Variants in SLC44A5 observed in about 807,000 individuals in gnomAD.
SLC44A5 encodes solute carrier family 44 member 5, also known as choline transporter-like protein 5.
Under a neutral mutation model 101.8 loss-of-function variants are expected in SLC44A5, and 57 were observed. That is an observed-to-expected ratio of 0.56 (90% CI 0.45 to 0.70). The LOEUF (loss-of-function observed/expected upper bound fraction) is 0.70. Ranked by LOEUF, SLC44A5 falls within the 30% of genes least tolerant of loss-of-function variation. SLC44A5 has a pLI of 0.00. For synonymous variants in SLC44A5, 281 were observed against 290.9 expected (o/e 0.97, Z 0.35); for missense variants, 737 against 853.1 (o/e 0.86, Z 1.70).
the SLC44A5 span, among the ~76,000 whole-genome samples, chr1:75,619,083 G>A: frequency 4.7e-5 from 4 of 85,044 alleles, no homozygotes; most frequent in Non-Finnish European, 9.6e-5. Context: ...AAAAAAAGGG[G>A]GGGGGGAAGG....
intron 2 of SLC44A5, among the ~76,000 whole-genome samples, chr1:75,483,374 G>A (rs1667977354): frequency 1.3e-5 from 2 of 152,134 alleles, no homozygotes; most frequent in South Asian, 4.1e-4. Context: ...GTTCCCTAAA[G>A]CCACAAATAG....
the SLC44A5 span, among the ~76,000 whole-genome samples, chr1:75,646,683 G>A: frequency 6.6e-6 from 1 of 152,070 alleles, no homozygotes; most frequent in Admixed American, 6.6e-5. Flanking sequence ...TTTATAAGGG[G>A]CTTTTTCCCC....
chr1:75,203,822 C>G lies in SLC44A5; in HGVS notation c.2059G>C (p.Glu687Gln), dbSNP rs1477898659. The G allele has an allele frequency of 1.9e-6, 3 of 1,548,154 alleles. 1 individual carries two copies. The highest frequency in any genetic ancestry group is 2.6e-6 in the Non-Finnish European group (3 of 1,145,418). ...CTTGCAGTAGAACCATCATTTCTTTCTAAATCTTCCACTAGGAGGAAGAAT... is the reference window on the plus strand; with the variant it reads ...CTTGCAGTAGAACCATCATTTCTTTGTAAATCTTCCACTAGGAGGAAGAAT... The part of the protein sequence containing the change: ...TIFICFLEDL[E>Q]RNDGSTARPY... Residue 687 changes from glutamate to glutamine, a missense_variant, in exon 24 of 24, where the codon GAA becomes CAA. This residue lies in a region of SLC44A5 where 61 missense variants were observed against 56.5 expected (regional missense o/e 1.08). Transcript: ENST00000370859.
intron 13 of SLC44A5, among the ~76,000 whole-genome samples, chr1:75,223,621 A>G (rs1320185343): frequency 2.6e-5 from 4 of 152,176 alleles, no homozygotes; most frequent in Non-Finnish European, 5.9e-5. Context: ...CCTCCTTGCT[A>G]GATGGTTATT....
At chr1:75,479,682 C>T (rs1239395162) in intron 2 of SLC44A5, among the ~76,000 whole-genome samples, 6 of 152,210 alleles carry the variant, frequency 3.9e-5, no homozygotes, top group East Asian at 1.9e-4. Flanking sequence ...ACACATACAC[C>T]CTCCCAAGAC....
the SLC44A5 span, among the ~76,000 whole-genome samples, chr1:75,675,638 C>A: frequency 6.6e-6 from 1 of 152,002 alleles, no homozygotes; most frequent in Non-Finnish European, 1.5e-5. Flanking sequence ...CAGGACATAG[C>A]CATGGGCAAA....
the SLC44A5 span, among the ~76,000 whole-genome samples, chr1:75,640,851 T>C: frequency 6.6e-6 from 1 of 152,116 alleles, no homozygotes; most frequent in African/African-American, 2.4e-5. Context: ...CTTCATGGCC[T>C]TCTGAGGAAA....
intron 4 of SLC44A5, among the ~76,000 whole-genome samples, chr1:75,316,396 C>T (rs1655690619): frequency 6.6e-6 from 1 of 151,632 alleles, no homozygotes; most frequent in South Asian, 2.1e-4. Context: ...ATGTTACCAC[C>T]TCTGTGAAGC....
intron 1 of SLC44A5, among the ~76,000 whole-genome samples, chr1:75,569,577 G>A (rs1416705308): frequency 1.3e-5 from 2 of 152,024 alleles, no homozygotes; most frequent in African/African-American, 2.4e-5. Context: ...ACATTCTATT[G>A]AATGAATTAT....
At chr1:75,261,457 A>G (rs980286494) in intron 6 of SLC44A5, among the ~76,000 whole-genome samples, 1 of 152,128 alleles carries the variant, frequency 6.6e-6, no homozygotes, top group South Asian at 2.1e-4. Flanking sequence ...CACCCTCCCA[A>G]GACTAAACCA....
intron 2 of SLC44A5, among the ~76,000 whole-genome samples, chr1:75,455,700 C>T (rs1008098171): frequency 1.3e-5 from 2 of 151,994 alleles, no homozygotes; most frequent in African/African-American, 4.8e-5. Context: ...AGGCAAAAGA[C>T]ATGAACAAAC....
chr1:75,417,872 A>C lies in SLC44A5; in HGVS notation c.14-21251T>G, dbSNP rs144198927. ...AAAGGAGACTAAGAGGCATGTGGAA[A>C]ACTGTTGTGCATTTCTCAAAATCAG... On this transcript the variant is annotated intron_variant, in intron 2 of 23. Coordinates refer to ENST00000370859, the MANE Select transcript of SLC44A5 (RefSeq NM_001130058.2). Among the ~76,000 whole-genome samples, 261 of 152,364 alleles carry C rather than the reference A, an allele frequency of 1.7e-3. 1 individual carries two copies. The highest frequency in any genetic ancestry group is 6.1e-3 in the African/African-American group (253 of 41,588).
At chr1:75,527,246 G>A (rs1203370751) in intron 2 of SLC44A5, among the ~76,000 whole-genome samples, 2 of 148,416 alleles carry the variant, frequency 1.3e-5, no homozygotes, top group Non-Finnish European at 1.5e-5. Flanking sequence ...GAAAAAGTGA[G>A]AGAGAAGGAA....
chr1:75,285,258 C>T (rs1390303702), intron 5 of SLC44A5, among the ~76,000 whole-genome samples: 2 of 151,990 alleles, frequency 1.3e-5, no homozygotes, highest in Non-Finnish European at 2.9e-5. Flanking sequence ...TCCATCTCCT[C>T]TAGGTTTTCT....
the SLC44A5 span, among the ~76,000 whole-genome samples, chr1:75,669,120 T>C: frequency 6.6e-6 from 1 of 151,686 alleles, no homozygotes; most frequent in Non-Finnish European, 1.5e-5. Context: ...CATCTGTCTA[T>C]TTTTCTTGAG....
the SLC44A5 span, among the ~76,000 whole-genome samples, chr1:75,634,521 T>C: frequency 6.6e-6 from 1 of 151,090 alleles, no homozygotes. Flanking sequence ...TATCTACAAC[T>C]ATCTGATCTT....
Position 75,203,804 on chromosome 1 carries a change from T to G in SLC44A5, c.2077A>C (p.Thr693Pro). The G allele has an allele frequency of 6.5e-7, 1 of 1,549,486 alleles. No individual in the cohort carries two copies. Among genetic ancestry groups the G allele is most frequent in the Non-Finnish European group, 8.7e-7 (1 of 1,145,992 alleles). ...LEDLERNDGS[T>P]ARPYYVSQPL... is the part of the protein sequence containing the mutation. ...TGACTCACATAATAAGGTCTTGCAGTAGAACCATCATTTCTTTCTAAATCT... is the reference window on the plus strand; with the variant it reads ...TGACTCACATAATAAGGTCTTGCAGGAGAACCATCATTTCTTTCTAAATCT... Residue 693 changes from threonine to proline, a missense_variant, in exon 24 of 24, where the codon ACT becomes CCT. Thr to Pro is a conservative substitution (Grantham distance 38). Around this residue, in one of 3 missense-constraint regions of SLC44A5, gnomAD observed 61 missense variants for 56.5 expected, o/e 1.08. Transcript: ENST00000370859.
At chr1:75,580,123 A>G (rs1167078650) in intron 1 of SLC44A5, among the ~76,000 whole-genome samples, 1 of 151,844 alleles carries the variant, frequency 6.6e-6, no homozygotes, top group Non-Finnish European at 1.5e-5. Context: ...AGCACTTCTC[A>G]AAATAAAAAA....
intron 1 of SLC44A5, among the ~76,000 whole-genome samples, chr1:75,565,676 T>C (rs1249349106): frequency 1.3e-5 from 2 of 152,210 alleles, no homozygotes; most frequent in African/African-American, 4.8e-5. Flanking sequence ...CAAGTCCTAG[T>C]TTTTCACTTA....
Sources: gnomAD v4.1 joint callset for allele counts (sites outside exome capture counted in the v4.1 genomes callset) on GRCh38, gnomAD v4.1.1 for gene constraint, gnomAD v4.1.1 regional missense constraint, MANE v1.5 for transcripts, NCBI Gene and HGNC (gene_info 2026-07-23, HGNC 2026-07-21) for gene names.